The following GRTP1 variants were observed in gnomAD, a reference collection of about 807,000 sequenced individuals.
GRTP1 encodes the protein growth hormone-regulated TBC protein 1.
Under a neutral mutation model 38.1 loss-of-function variants are expected in GRTP1, and 56 were observed. The ratio of observed to expected loss-of-function variants is 1.47; its 90% CI spans 1.19 to 1.84. GRTP1 has a LOEUF of 1.84. Among genes scored for constraint, GRTP1 ranks in the 40% most tolerant of loss-of-function variants. The probability of loss-of-function intolerance (pLI) is 0.00; values close to 1 mark genes in which losing one functional copy is unlikely to be tolerated. For missense variants in GRTP1, 506 were observed against 453.9 expected (o/e 1.11, Z -1.04); for synonymous variants, 217 against 189.5 (o/e 1.14, Z -1.19).
Position 113,344,850 on chromosome 13 carries a change from A to AT in GRTP1, c.562+12dup. 6.3e-7 allele frequency: 1 copy of AT among 1,595,238 alleles called. No homozygotes were observed. On this transcript the variant is annotated intron_variant, in intron 5 of 7. Transcript: ENST00000375431. ...AGGACAGTTCGGGCATACCGCAGGA[A>AT]TTTTCAACATACCTGGTAGTATTCT...
In GRTP1 at chr13:113,342,281, G is replaced by A. The variant is rs1005951493; in HGVS notation, c.562+2582C>T. Among the ~76,000 whole-genome samples, 1 of 152,018 alleles carries A rather than the reference G, an allele frequency of 6.6e-6. No homozygotes were observed. Among genetic ancestry groups the A allele is most frequent in the Admixed American group, 6.6e-5 (1 of 15,246 alleles). On this transcript the variant is annotated intron_variant, in intron 5 of 7. Coordinates refer to ENST00000375431, the MANE Select transcript of GRTP1 (RefSeq NM_024719.4). The surrounding 1 kb of genome is among the most constrained non-coding windows in gnomAD (Gnocchi z 4.5). Reference sequence around the variant, plus strand: ...GTACTGTTGGGAGGCCGAGGCAGGCGGATCACGAGGTCAGGAGATCGAGAC... The same window carrying A: ...GTACTGTTGGGAGGCCGAGGCAGGCAGATCACGAGGTCAGGAGATCGAGAC...
Position 113,355,359 on chromosome 13 carries a change from C to T in GRTP1, c.304G>A (p.Glu102Lys). The change falls in exon 3 of 8, where the codon GAG becomes AAG. Residue 102 changes from glutamate (E) to lysine (K), a missense_variant. Coordinates refer to ENST00000375431, the MANE Select transcript of GRTP1 (RefSeq NM_024719.4). ...PGYYHQLLQGERNPRLEDAIR... is the reference protein window; with the variant it reads ...PGYYHQLLQGKRNPRLEDAIR... ...GCGTCCTCCAGCCTGGGGTTTCTCT[C>T]TCCCTGGAGAAGCTGGTGGTAGTAG... 3 of 1,614,138 alleles carry T rather than the reference C, an allele frequency of 1.9e-6. No homozygotes were observed. The highest frequency in any genetic ancestry group is 1.7e-6 in the Non-Finnish European group (2 of 1,180,006).
At position 113,356,225 on chromosome 13, in the gene GRTP1, T is replaced by C. The variant is rs1282972680; in HGVS notation, c.182-744A>G. ...ATTTTCAAAGCAAATATTTAAAGTT[T>C]TGCTGTTTTCCTTTGATACTACACT... On this transcript the variant is annotated intron_variant, in intron 2 of 7. Coordinates refer to ENST00000375431, the MANE Select transcript of GRTP1 (RefSeq NM_024719.4). Among the ~76,000 whole-genome samples the C allele has an allele frequency of 2.0e-5, 3 of 152,302 alleles. No homozygotes were observed. In the East Asian group the frequency reaches 5.8e-4, roughly 29 times the overall value.
intron 5 of GRTP1, among the ~76,000 whole-genome samples, chr13:113,340,887 C>T (rs2043017243): frequency 6.6e-6 from 1 of 152,160 alleles, no homozygotes; most frequent in Admixed American, 6.5e-5. Flanking sequence ...CATGCACACA[C>T]CCATCAGATG....
Position 113,355,305 on chromosome 13 carries a change from C to T in GRTP1, c.340+18G>A. 1.2e-6 allele frequency: 2 copies of T among 1,611,778 alleles called. No homozygotes were observed. The highest frequency in any genetic ancestry group is 1.7e-6 in the Non-Finnish European group (2 of 1,178,656). On this transcript the variant is annotated intron_variant, in intron 3 of 7. Coordinates refer to ENST00000375431, the MANE Select transcript of GRTP1 (RefSeq NM_024719.4). The stretch of plus-strand genomic sequence containing the variant: ...GGCCCCCGGGCCCTGCACCAGAGCT[C>T]GACCCCCACCGCCTCACCTGTCCTG...
chr13:113,326,267 G>A (rs566290757), intron 5 of GRTP1, 176 bp from the exon 6 acceptor site: 2 of 285,524 alleles, frequency 7.0e-6, no homozygotes, highest in African/African-American at 2.3e-5. Context: ...GGGCTCATGG[G>A]GAGCGACCCC....
intron 3 of GRTP1, among the ~76,000 whole-genome samples, chr13:113,352,238 A>ATATATT (rs1364695734): frequency 7.8e-5 from 7 of 90,270 alleles, no homozygotes; most frequent in African/African-American, 2.9e-4. Flanking sequence ...ATATTTATAT[A>ATATATT]TATATTTATA....
chr13:113,362,102 T>C (rs1469790163), intron 2 of GRTP1, among the ~76,000 whole-genome samples: 2 of 152,018 alleles, frequency 1.3e-5, no homozygotes, highest in Admixed American at 6.6e-5. Flanking sequence ...TGAGCTGAAA[T>C]CATGCCACTG....
chr13:113,355,557 C>G, intron 2 of GRTP1, 76 bp from the exon 3 acceptor site: 1 of 1,438,566 alleles, frequency 7.0e-7, no homozygotes, highest in Non-Finnish European at 9.2e-7. Flanking sequence ...GCCACACTTT[C>G]CACTCTCACC....
At chr13:113,350,727 T>C in intron 4 of GRTP1, 122 bp downstream of exon 4, 1 of 948,348 alleles carries the variant, frequency 1.1e-6, no homozygotes, top group South Asian at 2.0e-5. Flanking sequence ...CAATGGGGCA[T>C]CAGGACGTGG....
At chr13:113,347,482 C>G (rs1235755516) in intron 4 of GRTP1, among the ~76,000 whole-genome samples, 2 of 58,728 alleles carry the variant, frequency 3.4e-5, no homozygotes, top group East Asian at 8.7e-4. Flanking sequence ...GAGAGCAGAC[C>G]TGGGAGGACC....
chr13:113,325,553 C>T (rs1388635666), intron 7 of GRTP1, 108 bp downstream of exon 7: 1 of 1,581,686 alleles, frequency 6.3e-7, no homozygotes, highest in East Asian at 2.3e-5. Context: ...TGCCCTATGC[C>T]CACTGGTGCC....
At chr13:113,352,337 TTATATATATATTTATATATATTTTA>T (rs1428616117) in intron 3 of GRTP1, among the ~76,000 whole-genome samples, 61 of 51,526 alleles carry the variant, frequency 1.2e-3, no homozygotes, top group African/African-American at 3.9e-3. Flanking sequence ...TATATATATT[TTATATATATATTTATATATATTTTA>T]TATATATATA....
Position 113,350,960 on chromosome 13 carries a change from G to A in GRTP1, c.354C>T (p.Thr118=). Residue 118 remains threonine (T), a synonymous_variant, in exon 4 of 8, where the codon ACC becomes ACT. Transcript: ENST00000375431. ...TCCGGAACTTCACGTTGTCGGGGAA[G>A]GTCCGGTTCAGGTCTGTGGGAAATT... ...EDAIRTDLNR[T]FPDNVKFRKT... 1.2e-6 allele frequency: 2 copies of A among 1,613,846 alleles called. No individual in the cohort carries two copies. Among genetic ancestry groups the A allele is most frequent in the Non-Finnish European group, 8.5e-7 (1 of 1,179,752 alleles).
In GRTP1 at chr13:113,355,712, G is replaced by A. The variant is rs377228135; in HGVS notation, c.182-231C>T. 10 of 393,642 alleles carry A rather than the reference G, an allele frequency of 2.5e-5. No individual in the cohort carries two copies. The South Asian group carries it at 4.1e-4, about 16-fold the overall frequency. 24.4% of individuals were successfully genotyped at this position (393,642 alleles called of 1,614,324 possible). A position where few individuals can be genotyped will look rare whatever the true frequency, so the allele number is the denominator to read the frequency against. Reference sequence around the variant, plus strand: ...AGACTGGCTACAGAACCGCCCCCACGCCCACTTCACCATTCAATGCAGGTG... The same window carrying A: ...AGACTGGCTACAGAACCGCCCCCACACCCACTTCACCATTCAATGCAGGTG... On this transcript the variant is annotated intron_variant, in intron 2 of 7. Transcript: ENST00000375431.
At chr13:113,324,910 T>A (rs2042736996) in intron 7 of GRTP1, 1 of 674,512 alleles carries the variant, frequency 1.5e-6, no homozygotes, top group Non-Finnish European at 1.9e-6. Flanking sequence ...CACTGCAACC[T>A]CCGCCTCCCA....
chr13:113,333,838 A>ATTTAGTGTGTGTGTGT (rs749095615), intron 5 of GRTP1, among the ~76,000 whole-genome samples: 1 of 23,546 alleles, frequency 4.2e-5, no homozygotes, highest in African/African-American at 6.8e-5. Flanking sequence ...TTATTTATTT[A>ATTTAGTGTGTGTGTGT]GTGTGTGTGT....
rs1345191244 is a variant in GRTP1, at chr13:113,328,350, C to T, written c.563-2259G>A. On this transcript the variant is annotated intron_variant, in intron 5 of 7. Transcript: ENST00000375431. ...GACGTGGGCAGGGGCCATACAAAGA[C>T]GGTGGCCACAGGCGTCTGCACATGG... is the stretch of plus-strand genomic sequence containing the variant. Among the ~76,000 whole-genome samples, 8 of 152,226 alleles carry T rather than the reference C, an allele frequency of 5.3e-5. No homozygotes were observed. The South Asian group carries it at 1.2e-3, about 24-fold the overall frequency.
chr13:113,351,306 C>T (rs1169294709), intron 3 of GRTP1, among the ~76,000 whole-genome samples: 2 of 152,224 alleles, frequency 1.3e-5, no homozygotes, highest in Non-Finnish European at 2.9e-5. Context: ...TCCTGCACCT[C>T]GGACCTCGCG....
Sources: allele counts gnomAD v4.1 joint callset (sites outside exome capture counted in the v4.1 genomes callset), GRCh38; gene constraint gnomAD v4.1.1; non-coding constraint Gnocchi (gnomAD v3.1); transcripts MANE v1.5; gene names NCBI Gene and HGNC (gene_info 2026-07-23, HGNC 2026-07-21).